Variants in ANKFN1 observed in about 807,000 individuals in gnomAD.
ANKFN1 encodes the protein ankyrin repeat and fibronectin type III domain containing 1.
Under a neutral mutation model 108.7 loss-of-function variants are expected in ANKFN1, and 74 were observed. The observed-to-expected ratio is 0.68, with a 90% CI of 0.56 to 0.83. The LOEUF is 0.83. Among genes scored for constraint, ANKFN1 ranks in the 40% least tolerant of loss-of-function variants. The probability of loss-of-function intolerance (pLI) is 0.00; values close to 1 mark genes in which losing one functional copy is unlikely to be tolerated. For synonymous variants in ANKFN1, 547 were observed against 516.2 expected (o/e 1.06, Z -0.81); for missense variants, 1,505 against 1,382.3 (o/e 1.09, Z -1.41).
At chr17:56,487,676 T>C (rs979430188) in intron 18 of ANKFN1, among the ~76,000 whole-genome samples, 1 of 152,164 alleles carries the variant, frequency 6.6e-6, no homozygotes, top group Non-Finnish European at 1.5e-5. Flanking sequence ...AAGCTCAAAA[T>C]CCATTAGAGG....
At chr17:56,114,730 T>C (rs1271334671) in intron 4 of ANKFN1, among the ~76,000 whole-genome samples, 1 of 152,216 alleles carries the variant, frequency 6.6e-6, no homozygotes, top group Non-Finnish European at 1.5e-5. Flanking sequence ...TTAAAATTGC[T>C]AATCAGCCGA....
chr17:56,478,716 A>C (rs2050595458), intron 16 of ANKFN1, among the ~76,000 whole-genome samples: 1 of 149,244 alleles, frequency 6.7e-6, no homozygotes, highest in Non-Finnish European at 1.5e-5. Context: ...AAAGGAAGGA[A>C]TAGACAAGAA....
At chr17:56,090,768 G>C (rs1445689904) in intron 4 of ANKFN1, among the ~76,000 whole-genome samples, 4 of 150,722 alleles carry the variant, frequency 2.7e-5, no homozygotes, top group African/African-American at 9.8e-5. Context: ...CTCCACATCT[G>C]GCTAATTTTA....
At chr17:56,163,036 AAAAAAAAAAAGAAAAAAAG>A (rs989828516) in intron 1 of ANKFN1, among the ~76,000 whole-genome samples, 2 of 146,444 alleles carry the variant, frequency 1.4e-5, no homozygotes, top group African/African-American at 2.5e-5. Context: ...ACTCCATCTC[AAAAAAAAAAAGAAAAAAAG>A]AAAAAAAAAA....
At chr17:56,478,582 A>G (rs767969958) in intron 16 of ANKFN1, among the ~76,000 whole-genome samples, 2 of 152,174 alleles carry the variant, frequency 1.3e-5, no homozygotes, top group Non-Finnish European at 2.9e-5. Context: ...AGCTTTGGGA[A>G]AGTTGCCCAA....
At chr17:56,391,759 T>C (rs2047445502) in intron 8 of ANKFN1, among the ~76,000 whole-genome samples, 5 of 152,254 alleles carry the variant, frequency 3.3e-5, no homozygotes, top group Admixed American at 3.3e-4. Flanking sequence ...TACTAAGTGA[T>C]GTTAATGTTC....
intron 4 of ANKFN1, among the ~76,000 whole-genome samples, chr17:56,091,186 A>G (rs907469056): frequency 1.3e-5 from 2 of 151,108 alleles, no homozygotes; most frequent in African/African-American, 2.4e-5. Context: ...AGAGAGATAT[A>G]AAGTCCTATA....
At chr17:56,237,124 T>A (rs1346880721) in intron 3 of ANKFN1, among the ~76,000 whole-genome samples, 1 of 152,174 alleles carries the variant, frequency 6.6e-6, no homozygotes, top group African/African-American at 2.4e-5. Flanking sequence ...TTGATTGTTG[T>A]GGGTTAGCTT....
chr17:56,294,598 C>G (rs2044456246), intron 3 of ANKFN1, among the ~76,000 whole-genome samples: 2 of 152,310 alleles, frequency 1.3e-5, no homozygotes, highest in South Asian at 2.1e-4. Flanking sequence ...CCTAGTGCAG[C>G]ACTTAGGATG....
chr17:56,073,373 C>G (rs1394963987), intron 4 of ANKFN1, among the ~76,000 whole-genome samples: 1 of 152,202 alleles, frequency 6.6e-6, no homozygotes, highest in African/African-American at 2.4e-5. Context: ...TGAATACTCA[C>G]GTGTCTACCA....
At chr17:56,333,519 C>G (rs1203827393) in intron 4 of ANKFN1, among the ~76,000 whole-genome samples, 1 of 152,066 alleles carries the variant, frequency 6.6e-6, no homozygotes, top group Non-Finnish European at 1.5e-5. Context: ...TTGGAATGAA[C>G]CCTGCCTAGT....
At chr17:56,153,433 G>A (rs569436708), upstream of ANKFN1, 21 of 1,566,472 alleles carry the variant, frequency 1.3e-5, no homozygotes, top group East Asian at 4.5e-5. Context: ...CAACGGGACC[G>A]TGTGGACATT....
intron 3 of ANKFN1, among the ~76,000 whole-genome samples, chr17:56,304,456 G>T (rs934763890): frequency 6.6e-6 from 1 of 151,998 alleles, no homozygotes; most frequent in Non-Finnish European, 1.5e-5. Context: ...ATAAACATTT[G>T]TGTACAGATT....
intron 4 of ANKFN1, among the ~76,000 whole-genome samples, chr17:56,048,173 T>C (rs1904712440): frequency 6.6e-6 from 1 of 152,236 alleles, no homozygotes; most frequent in African/African-American, 2.4e-5. Flanking sequence ...TGTGGTTGGA[T>C]TGAATGAATT....
In ANKFN1 at chr17:56,260,638, A is replaced by G. The variant is rs573985846; in HGVS notation, c.53+32681A>G. Among the ~76,000 whole-genome samples the G allele has an allele frequency of 4.6e-5, 7 of 152,320 alleles. No individual in the cohort carries two copies. In the East Asian group the frequency reaches 1.3e-3, roughly 29 times the overall value. ...GGGTTTAAAAATGAAGGAAAAAAGTACTCGGTAAAGTATGTCTGGGGTTTT... is the reference window on the plus strand; with the variant it reads ...GGGTTTAAAAATGAAGGAAAAAAGTGCTCGGTAAAGTATGTCTGGGGTTTT... On this transcript the variant is annotated intron_variant, in intron 3 of 20. Coordinates refer to ENST00000682825, the MANE Select transcript of ANKFN1 (RefSeq NM_001370326.1).
intron 4 of ANKFN1, among the ~76,000 whole-genome samples, chr17:56,080,988 G>A (rs1966873253): frequency 6.6e-6 from 1 of 152,174 alleles, no homozygotes; most frequent in South Asian, 2.1e-4. Flanking sequence ...AGCCGCTTCT[G>A]CAGGGTTGAG....
intron 8 of ANKFN1, among the ~76,000 whole-genome samples, chr17:56,409,129 T>C (rs1567979354): frequency 6.6e-6 from 1 of 152,116 alleles, no homozygotes; most frequent in African/African-American, 2.4e-5. Flanking sequence ...TTCACCATAT[T>C]GGCCAGGCTG....
chr17:56,069,225 T>C (rs1905094251), intron 4 of ANKFN1, among the ~76,000 whole-genome samples: 1 of 152,224 alleles, frequency 6.6e-6, no homozygotes, highest in Non-Finnish European at 1.5e-5. Context: ...AACTTTTTCC[T>C]GGCCTGTTTA....
At chr17:56,373,568 C>T (rs1047899701) in intron 7 of ANKFN1, among the ~76,000 whole-genome samples, 2 of 152,130 alleles carry the variant, frequency 1.3e-5, no homozygotes, top group Non-Finnish European at 1.5e-5. Context: ...AGGGAAAGTT[C>T]GTTAGTTTGA....
Sources: gnomAD v4.1 joint callset for allele counts (sites outside exome capture counted in the v4.1 genomes callset) on GRCh38, gnomAD v4.1.1 for gene constraint, MANE v1.5 for transcripts, NCBI Gene and HGNC (gene_info 2026-07-23, HGNC 2026-07-21) for gene names.